The following NBEAL1 variants were observed in gnomAD, a reference collection of about 807,000 sequenced individuals.
NBEAL1 encodes the protein neurobeachin like 1.
Under a neutral mutation model 351.3 loss-of-function variants are expected in NBEAL1, and 273 were observed. The ratio of observed to expected loss-of-function variants is 0.78; its 90% CI spans 0.70 to 0.86. NBEAL1 has a LOEUF of 0.86. Among genes scored for constraint, NBEAL1 ranks in the 40% least tolerant of loss-of-function variants. NBEAL1 has a pLI of 0.00. For missense variants in NBEAL1, 2,961 were observed against 3,201.3 expected (o/e 0.92, Z 1.81); for synonymous variants, 1,050 against 1,086.4 (o/e 0.97, Z 0.66).
At chr2:203,175,070 GA>G in intron 41 of NBEAL1, 76 bp from the exon 42 acceptor site, 1 of 1,242,152 alleles carries the variant, frequency 8.1e-7, no homozygotes, top group Non-Finnish European at 1.1e-6. Context: ...TGTATTTTCA[GA>G]AATAAAATAC....
chr2:203,166,146 C>T lies in NBEAL1; in HGVS notation c.5715-3C>T, dbSNP rs1483800950. The T allele has an allele frequency of 6.5e-7, 1 of 1,546,738 alleles. No homozygotes were observed. The highest frequency in any genetic ancestry group is 8.7e-7 in the Non-Finnish European group (1 of 1,153,942). On this transcript the variant is annotated splice_polypyrimidine_tract_variant and splice_region_variant and intron_variant, in intron 36 of 55. Transcript: ENST00000683969. ...TCTGTTTATTGGCTTCTTGTTTTTACAGTGATGAGAAAGAAGAACAGGATC... is the reference window on the plus strand; with the variant it reads ...TCTGTTTATTGGCTTCTTGTTTTTATAGTGATGAGAAAGAAGAACAGGATC...
intron 8 of NBEAL1, among the ~76,000 whole-genome samples, chr2:203,080,489 C>T (rs2106158966): frequency 6.6e-6 from 1 of 152,216 alleles, no homozygotes; most frequent in African/African-American, 2.4e-5. Context: ...TGTTTTCTCT[C>T]TGTATGTTTT....
chr2:203,166,231 C>T lies in NBEAL1; in HGVS notation c.5797C>T (p.Pro1933Ser). 1.2e-6 allele frequency: 2 copies of T among 1,610,646 alleles called. No homozygotes were observed. Among genetic ancestry groups the T allele is most frequent in the Non-Finnish European group, 1.7e-6 (2 of 1,178,722 alleles). The change falls in exon 37 of 56, where the codon CCT (proline) becomes TCT (serine). Residue 1933 changes from proline (P) to serine (S), a missense_variant. Pro to Ser is a moderately conservative substitution (Grantham distance 74). Coordinates refer to ENST00000683969, the MANE Select transcript of NBEAL1 (RefSeq NM_001378026.1). ...CELITIIDVI[P>S]GRLEITTQHI... ...ACTCATTACAATAATTGATGTAATTCCTGGCAGATTAGAAATCACTACTCA... is the reference window on the plus strand; with the variant it reads ...ACTCATTACAATAATTGATGTAATTTCTGGCAGATTAGAAATCACTACTCA...
Position 203,138,147 on chromosome 2 carries a change from T to C in NBEAL1, c.4566-15T>C. 6.2e-7 allele frequency: 1 copy of C among 1,612,422 alleles called. No individual in the cohort carries two copies. The highest frequency in any genetic ancestry group is 8.5e-7 in the Non-Finnish European group (1 of 1,179,542). ...AGCTCACAATGGTTTTAAGAGGACT[T>C]TGTTTTCCATTTAGTTTGCTACAAA... On this transcript the variant is annotated splice_polypyrimidine_tract_variant and intron_variant, in intron 29 of 55. Coordinates refer to ENST00000683969, the MANE Select transcript of NBEAL1 (RefSeq NM_001378026.1).
chr2:203,056,004 T>G (rs1467132240), intron 4 of NBEAL1, among the ~76,000 whole-genome samples: 1 of 152,192 alleles, frequency 6.6e-6, no homozygotes, highest in Non-Finnish European at 1.5e-5. Flanking sequence ...ATGATTATAG[T>G]GCACATGTTA....
At position 203,190,279 on chromosome 2, in the gene NBEAL1, C is replaced by T; in HGVS notation, c.6824-13C>T. The T allele has an allele frequency of 6.3e-7, 1 of 1,590,256 alleles. No individual in the cohort carries two copies. Among genetic ancestry groups the T allele is most frequent in the Non-Finnish European group, 8.6e-7 (1 of 1,167,996 alleles). ...TTTTCACTCTATAGTAAGTTGACTT[C>T]TTCTGGTTTTAGGAGCTGTGGATCT... On this transcript the variant is annotated splice_polypyrimidine_tract_variant and intron_variant, in intron 45 of 55. Transcript: ENST00000683969.
chr2:203,204,634 G>T (rs1485114335), intron 51 of NBEAL1, among the ~76,000 whole-genome samples: 1 of 152,076 alleles, frequency 6.6e-6, no homozygotes, highest in East Asian at 1.9e-4. Context: ...TTTATTTACA[G>T]AAATAGGAAG....
chr2:203,193,718 C>T (rs2105788292), intron 46 of NBEAL1, 77 bp from the exon 47 acceptor site: 2 of 915,024 alleles, frequency 2.2e-6, no homozygotes. Flanking sequence ...TAGCTAGAGC[C>T]TAGTGTATAT....
intron 33 of NBEAL1, among the ~76,000 whole-genome samples, chr2:203,146,283 G>C (rs887926640): frequency 5.9e-5 from 9 of 152,136 alleles, no homozygotes; most frequent in Non-Finnish European, 1.3e-4. Context: ...TTCAGGCCCA[G>C]ATGGTTTCAC....
At position 203,202,731 on chromosome 2, in the gene NBEAL1, AT is replaced by A; in HGVS notation, c.7459del (p.Ser2487LeufsTer9). 1 of 1,603,400 alleles carries A rather than the reference AT, an allele frequency of 6.2e-7. No homozygotes were observed. Among genetic ancestry groups the A allele is most frequent in the Non-Finnish European group, 8.5e-7 (1 of 1,170,636 alleles). On this transcript the variant is annotated frameshift_variant, in exon 51 of 56. Coordinates refer to ENST00000683969, the MANE Select transcript of NBEAL1 (RefSeq NM_001378026.1). LOFTEE classifies it high-confidence loss of function. ...TACAGATTACTGTGGAATACATTTG[AT>A]TTCTGGTTCCAGAGATACTACATGT... ...LATDYCGIHL[I>X]SGSRDTTCMI...
chr2:203,044,870 C>T (rs75529535), intron 3 of NBEAL1, among the ~76,000 whole-genome samples: 1 of 152,244 alleles, frequency 6.6e-6, no homozygotes, highest in African/African-American at 2.4e-5. Flanking sequence ...TAGGCTGCTT[C>T]CTGTAGTAGA....
At chr2:203,177,761 A>G (rs529833635) in intron 42 of NBEAL1, among the ~76,000 whole-genome samples, 29 of 152,186 alleles carry the variant, frequency 1.9e-4, no homozygotes, top group Admixed American at 6.5e-4. Context: ...GCTCACACCT[A>G]TAATCCCAGC....
Position 203,151,600 on chromosome 2 carries a change from A to T in NBEAL1, c.5587+11A>T. The T allele has an allele frequency of 6.3e-7, 1 of 1,586,672 alleles. No individual in the cohort carries two copies. The highest frequency in any genetic ancestry group is 8.5e-7 in the Non-Finnish European group (1 of 1,170,128). On this transcript the variant is annotated intron_variant, in intron 35 of 55. Coordinates refer to ENST00000683969, the MANE Select transcript of NBEAL1 (RefSeq NM_001378026.1). ...TGAGAGATAATCTGGGTGAGTTCCA[A>T]TGACTGTTTAATTGTTTGTTGAAGA...
intron 3 of NBEAL1, among the ~76,000 whole-genome samples, chr2:203,046,202 C>T (rs2061222192): frequency 7.3e-6 from 1 of 136,382 alleles, no homozygotes; most frequent in African/African-American, 2.6e-5. Context: ...TAAGGAACAA[C>T]AGTAGATATT....
chr2:203,063,599 ATCTT>A (rs2061535655), intron 6 of NBEAL1, among the ~76,000 whole-genome samples: 1 of 152,046 alleles, frequency 6.6e-6, no homozygotes, highest in Non-Finnish European at 1.5e-5. Flanking sequence ...AAAAAAAGAA[ATCTT>A]CCTTCAATAT....
intron 48 of NBEAL1, among the ~76,000 whole-genome samples, chr2:203,197,769 C>T (rs1031421352): frequency 2.0e-5 from 3 of 151,928 alleles, no homozygotes; most frequent in African/African-American, 7.3e-5. Context: ...ATTAGAAAGG[C>T]GTGGAGGCAG....
At chr2:203,087,155 G>A (rs1316442078) in intron 10 of NBEAL1, among the ~76,000 whole-genome samples, 4 of 140,562 alleles carry the variant, frequency 2.8e-5, no homozygotes, top group Non-Finnish European at 6.1e-5. Context: ...GTGCAGTGGC[G>A]CAGTCTCTGC....
At chr2:203,061,934 T>A (rs537682821) in intron 6 of NBEAL1, 59 of 268,004 alleles carry the variant, frequency 2.2e-4, no homozygotes, top group African/African-American at 1.3e-3. Context: ...ACCATGTGTC[T>A]TCAAACACCT....
rs554518984 is a variant in NBEAL1 at position 203,223,611 on chromosome 2, T to C, written c.*6257T>C. ...TTAAAAATTTATCAATTCAGCTACT[T>C]TTTAAAAGAAGTCCTATTCCAATTG... On this transcript the variant is annotated 3_prime_UTR_variant, in exon 56 of 56. Coordinates refer to ENST00000683969, the MANE Select transcript of NBEAL1 (RefSeq NM_001378026.1). 6.6e-6 allele frequency among the ~76,000 whole-genome samples: 1 copy of C among 152,228 alleles called. No homozygotes were observed. Among genetic ancestry groups the C allele is most frequent in the East Asian group, 1.9e-4 (1 of 5,194 alleles).
Sources: allele counts gnomAD v4.1 joint callset (sites outside exome capture counted in the v4.1 genomes callset), GRCh38; gene constraint gnomAD v4.1.1; transcripts MANE v1.5; gene names NCBI Gene and HGNC (gene_info 2026-07-23, HGNC 2026-07-21).